The following LAMA2 variants were observed in gnomAD, a reference collection of about 807,000 sequenced individuals.
LAMA2 encodes laminin subunit alpha 2.
LAMA2 carries 269 observed loss-of-function variants against 364.8 expected under a neutral mutation model. The ratio of observed to expected loss-of-function variants is 0.74; its 90% CI spans 0.67 to 0.82. LAMA2 has a LOEUF of 0.82. Among genes scored for constraint, LAMA2 ranks in the 40% least tolerant of loss-of-function variants. The probability of loss-of-function intolerance (pLI) is 0.00; values close to 1 mark genes in which losing one functional copy is unlikely to be tolerated. For synonymous variants in LAMA2, 1,379 were observed against 1,370.6 expected (o/e 1.01, Z -0.14); for missense variants, 3,807 against 3,873.2 (o/e 0.98, Z 0.45).
At chr6:129,501,131 C>T (rs1239612529) in intron 58 of LAMA2, among the ~76,000 whole-genome samples, 2 of 152,152 alleles carry the variant, frequency 1.3e-5, no homozygotes, top group Non-Finnish European at 1.5e-5. Context: ...GTCCTCTGTC[C>T]GGGAAATATC....
At chr6:129,191,807 C>T (rs1188394752) in intron 11 of LAMA2, among the ~76,000 whole-genome samples, 1 of 152,206 alleles carries the variant, frequency 6.6e-6, no homozygotes, top group Non-Finnish European at 1.5e-5. Context: ...CCATCACCCA[C>T]AACATGAAGC....
intron 10 of LAMA2, among the ~76,000 whole-genome samples, chr6:129,181,243 A>G (rs2115020806): frequency 6.6e-6 from 1 of 152,216 alleles, no homozygotes; most frequent in East Asian, 1.9e-4. Flanking sequence ...ATCACAAAGC[A>G]AGTAAAGTAC....
At chr6:129,449,043 C>A (rs556841130) in intron 45 of LAMA2, among the ~76,000 whole-genome samples, 1 of 152,172 alleles carries the variant, frequency 6.6e-6, no homozygotes, top group Admixed American at 6.5e-5. Context: ...AACTGAAAAT[C>A]AAAACAGAAA....
intron 47 of LAMA2, 70 bp downstream of exon 47, chr6:129,454,358 A>C: frequency 8.0e-7 from 1 of 1,250,862 alleles, no homozygotes; most frequent in East Asian, 2.5e-5. Context: ...GTTTATAAGA[A>C]AACTCCTATT....
intron 34 of LAMA2, among the ~76,000 whole-genome samples, chr6:129,376,559 T>C (rs1778386803): frequency 6.6e-6 from 1 of 152,180 alleles, no homozygotes; most frequent in African/African-American, 2.4e-5. Context: ...ATTCTCCCCT[T>C]GGCCACATCT....
rs1554260313 is a variant in LAMA2 at position 129,270,748 on chromosome 6, ATAAG to A, written c.2450+5_2450+8del. ...GCCTGTCCACTCAATATCCCATCCA[ATAAG>A]TAAGTAACAAACTTACCCCATGAAT... On this transcript the variant is annotated splice_donor_variant and coding_sequence_variant, in exon 17 of 65. Coordinates refer to ENST00000421865, the MANE Select transcript of LAMA2 (RefSeq NM_000426.4). LOFTEE classifies it high-confidence loss of function. 2.5e-6 allele frequency: 4 copies of A among 1,613,152 alleles called. No individual in the cohort carries two copies. Among genetic ancestry groups the A allele is most frequent in the African/African-American group, 1.3e-5 (1 of 74,982 alleles).
chr6:128,913,590 C>G (rs1778121008), intron 1 of LAMA2, among the ~76,000 whole-genome samples: 1 of 152,146 alleles, frequency 6.6e-6, no homozygotes, highest in African/African-American at 2.4e-5. Flanking sequence ...TATTGCAACA[C>G]AGTGACCAAA....
intron 32 of LAMA2, among the ~76,000 whole-genome samples, chr6:129,355,550 C>A (rs1446663842): frequency 1.3e-5 from 2 of 152,132 alleles, no homozygotes; most frequent in Admixed American, 6.6e-5. Flanking sequence ...GGTGTTTGAT[C>A]TGCAGGACCT....
intron 12 of LAMA2, among the ~76,000 whole-genome samples, chr6:129,229,302 C>T (rs903951279): frequency 6.6e-6 from 1 of 151,920 alleles, no homozygotes; most frequent in African/African-American, 2.4e-5. Flanking sequence ...CTGAAGGTGA[C>T]TAGGAAAAAG....
At chr6:129,051,465 C>A (rs1788008963) in intron 2 of LAMA2, among the ~76,000 whole-genome samples, 1 of 149,490 alleles carries the variant, frequency 6.7e-6, no homozygotes, top group Non-Finnish European at 1.5e-5. Context: ...GCACGTGACA[C>A]CATGCCTGGC....
chr6:129,079,420 T>A (rs1337912888), intron 3 of LAMA2, among the ~76,000 whole-genome samples: 1 of 152,128 alleles, frequency 6.6e-6, no homozygotes, highest in Non-Finnish European at 1.5e-5. Context: ...AAGGAGGGAC[T>A]ACTATAATTC....
At chr6:129,008,663 A>C (rs1033891221) in intron 1 of LAMA2, among the ~76,000 whole-genome samples, 5 of 152,222 alleles carry the variant, frequency 3.3e-5, no homozygotes, top group East Asian at 1.9e-4. Context: ...TAATATTTCC[A>C]CAAATAAAGG....
In LAMA2 at chr6:128,888,194, A is replaced by G. The variant is rs573558958; in HGVS notation, c.112+4837A>G. Reference sequence around the variant, plus strand: ...GATTTTCCAGGCTTAGTATATACCAAGCAGATAGAAATAAAACTAATTCTA... The same window carrying G: ...GATTTTCCAGGCTTAGTATATACCAGGCAGATAGAAATAAAACTAATTCTA... On this transcript the variant is annotated intron_variant, in intron 1 of 64. Coordinates refer to ENST00000421865, the MANE Select transcript of LAMA2 (RefSeq NM_000426.4). Among the ~76,000 whole-genome samples, 5 of 152,300 alleles carry G rather than the reference A, an allele frequency of 3.3e-5. No individual in the cohort carries two copies. In the East Asian group the frequency reaches 5.8e-4, roughly 18 times the overall value.
chr6:128,970,941 G>T (rs972829521), intron 1 of LAMA2, among the ~76,000 whole-genome samples: 1 of 152,110 alleles, frequency 6.6e-6, no homozygotes, highest in African/African-American at 2.4e-5. Context: ...GGTAGTGATG[G>T]TTTTACTGGT....
At chr6:129,169,087 T>A (rs1279123425) in intron 9 of LAMA2, among the ~76,000 whole-genome samples, 1 of 152,124 alleles carries the variant, frequency 6.6e-6, no homozygotes, top group Non-Finnish European at 1.5e-5. Context: ...TTTCTAGATA[T>A]ACAATCATGT....
chr6:129,286,533 AATAAT>A (rs1397477383), intron 18 of LAMA2, among the ~76,000 whole-genome samples: 19 of 112,898 alleles, frequency 1.7e-4, no homozygotes, highest in Admixed American at 1.3e-3. Flanking sequence ...TTGTTTTTCC[AATAAT>A]ATAATATATT....
chr6:128,953,743 C>T (rs1264224995), intron 1 of LAMA2, among the ~76,000 whole-genome samples: 2 of 151,946 alleles, frequency 1.3e-5, no homozygotes, highest in African/African-American at 4.8e-5. Context: ...GTTTCTTTAT[C>T]GTTCTCTTCC....
At chr6:129,094,521 A>G (rs1775053825) in intron 3 of LAMA2, among the ~76,000 whole-genome samples, 1 of 152,234 alleles carries the variant, frequency 6.6e-6, no homozygotes, top group African/African-American at 2.4e-5. Context: ...ATGAAGTCAT[A>G]AATCCACATT....
intron 31 of LAMA2, among the ~76,000 whole-genome samples, chr6:129,352,274 A>G (rs1776892858): frequency 6.6e-6 from 1 of 152,366 alleles, no homozygotes; most frequent in South Asian, 2.1e-4. Context: ...TTCCAGTGTC[A>G]TAACACGGAG....
Sources: gnomAD v4.1 joint callset for allele counts (sites outside exome capture counted in the v4.1 genomes callset) on GRCh38, gnomAD v4.1.1 for gene constraint, MANE v1.5 for transcripts, NCBI Gene and HGNC (gene_info 2026-07-23, HGNC 2026-07-21) for gene names.